The following UBR4 variants were observed in gnomAD, a reference collection of about 807,000 sequenced individuals.
The protein encoded by UBR4 is ubiquitin protein ligase E3 component n-recognin 4.
In UBR4, 124 loss-of-function variants were observed where a neutral mutation model predicts 575.6. That is an observed-to-expected ratio of 0.22 (90% confidence interval 0.19 to 0.25). UBR4 has a LOEUF of 0.25. Among genes scored for constraint, UBR4 ranks in the 10% least tolerant of loss-of-function variants. The pLI, the probability that UBR4 is intolerant of heterozygous loss-of-function variation, is 1.00. For missense variants in UBR4, 4,818 were observed against 6,478.8 expected (o/e 0.74, Z 8.80); for synonymous variants, 2,455 against 2,473.7 (o/e 0.99, Z 0.22).
chr1:19,077,238 A>G (rs1025660464), intron 104 of UBR4, among the ~76,000 whole-genome samples: 14 of 152,200 alleles, frequency 9.2e-5, no homozygotes, highest in African/African-American at 3.4e-4. Flanking sequence ...CCGATGATGA[A>G]AGGAACCAAC....
chr1:19,101,793 A>T, intron 87 of UBR4, 152 bp from the exon 88 acceptor site: 1 of 1,269,120 alleles, frequency 7.9e-7, no homozygotes, highest in Non-Finnish European at 1.1e-6. Context: ...TCAAATTGGA[A>T]ATTTGATGCT....
At chr1:19,145,480 A>T (rs1184716290) in intron 53 of UBR4, among the ~76,000 whole-genome samples, 2 of 148,128 alleles carry the variant, frequency 1.4e-5, no homozygotes, top group Non-Finnish European at 3.0e-5. Context: ...GTTGTCAAAG[A>T]TTTTTAAAAA....
chr1:19,108,035 G>A (rs1296534827), intron 81 of UBR4, among the ~76,000 whole-genome samples: 2 of 152,126 alleles, frequency 1.3e-5, no homozygotes, highest in Non-Finnish European at 2.9e-5. Flanking sequence ...TGAAGTATAT[G>A]AAAAACATTT....
chr1:19,198,105 G>T, intron 5 of UBR4, 56 bp from the exon 6 acceptor site: 1 of 1,545,522 alleles, frequency 6.5e-7, no homozygotes, highest in African/African-American at 1.4e-5. Flanking sequence ...CAAACCAACT[G>T]TCAAAAGTGA....
intron 34 of UBR4, 30 bp downstream of exon 34, chr1:19,163,734 C>A (rs758609496): frequency 2.4e-5 from 39 of 1,609,280 alleles, no homozygotes; most frequent in Admixed American, 3.3e-5. Flanking sequence ...TTTCCCTTCA[C>A]CCCCCATTGT....
At chr1:19,194,421 G>C (rs1159366187) in intron 8 of UBR4, among the ~76,000 whole-genome samples, 1 of 152,150 alleles carries the variant, frequency 6.6e-6, no homozygotes, top group Non-Finnish European at 1.5e-5. Context: ...CCAGGGGTTT[G>C]AGGCTACAGT....
At chr1:19,172,439 C>T (rs1438768534) in intron 25 of UBR4, among the ~76,000 whole-genome samples, 1 of 152,168 alleles carries the variant, frequency 6.6e-6, no homozygotes, top group Non-Finnish European at 1.5e-5. Flanking sequence ...ATCACTTGAA[C>T]CCAGGGGGTG....
chr1:19,096,020 C>T (rs2078002983), intron 92 of UBR4: 1 of 237,276 alleles, frequency 4.2e-6, no homozygotes, highest in South Asian at 6.5e-5. Context: ...GAGCTCAGAA[C>T]CACATAGGTC....
intron 102 of UBR4, among the ~76,000 whole-genome samples, chr1:19,082,825 T>C (rs551991377): frequency 1.3e-4 from 20 of 152,330 alleles, no homozygotes; most frequent in African/African-American, 4.6e-4. Flanking sequence ...CTGCAGGATC[T>C]GCTCAGGCTC....
intron 97 of UBR4, among the ~76,000 whole-genome samples, chr1:19,091,392 C>T (rs2077498783): frequency 6.6e-6 from 1 of 152,004 alleles, no homozygotes; most frequent in Non-Finnish European, 1.5e-5. Context: ...AATGAGTTAC[C>T]GAAACAGATT....
intron 60 of UBR4, among the ~76,000 whole-genome samples, chr1:19,137,788 T>C (rs2083363467): frequency 6.6e-6 from 1 of 152,188 alleles, no homozygotes; most frequent in Non-Finnish European, 1.5e-5. Flanking sequence ...TTAAGAGAAA[T>C]ACCACTTTCT....
At chr1:19,101,216 A>G (rs995887182) in intron 88 of UBR4, among the ~76,000 whole-genome samples, 2 of 152,242 alleles carry the variant, frequency 1.3e-5, no homozygotes, top group African/African-American at 4.8e-5. Flanking sequence ...CTTCTTCCAC[A>G]GTATGTTGGA....
At position 19,084,444 on chromosome 1, in the gene UBR4, C is replaced by T. The variant is rs1484877123; in HGVS notation, c.15008+60G>A. On this transcript the variant is annotated intron_variant, in intron 102 of 105. Transcript: ENST00000375254. Reference sequence around the variant, plus strand: ...GGCTATGAAAAAGCTGAGGGGATCTCGGGCAGAGGGATGCAGGGTGGGTCT... The same window carrying T: ...GGCTATGAAAAAGCTGAGGGGATCTTGGGCAGAGGGATGCAGGGTGGGTCT... 16 of 1,514,896 alleles carry T rather than the reference C, an allele frequency of 1.1e-5. No homozygotes were observed. In the Admixed American group the frequency reaches 1.8e-4, roughly 17 times the overall value. The allele number at this position is 1,514,896 out of a possible 1,614,324, so 93.8% of individuals were successfully genotyped here.
chr1:19,195,594 G>A (rs1014502688), intron 8 of UBR4, among the ~76,000 whole-genome samples: 5 of 152,026 alleles, frequency 3.3e-5, no homozygotes, highest in Admixed American at 6.6e-5. Flanking sequence ...CAAAATCAAC[G>A]GTAGAGCATG....
In UBR4 at chr1:19,168,170, G is replaced by C. The variant is rs368763274; in HGVS notation, c.3756C>G (p.Ala1252=). 1.3e-6 allele frequency: 2 copies of C among 1,587,930 alleles called. No homozygotes were observed. The highest frequency in any genetic ancestry group is 2.7e-5 in the African/African-American group (2 of 74,380). The stretch of plus-strand genomic sequence containing the variant: ...AACTCTCTGAAGGGATGGTGTCATT[G>C]GCAAAGGCATTGCGCTGAAAGGAAG... ...PNIGSWRNAF[A]NDTIPSESYI... is the part of the protein sequence containing the mutation. Residue 1252 remains alanine, a synonymous_variant, in exon 28 of 106, where the codon GCC becomes GCG. Coordinates refer to ENST00000375254, the MANE Select transcript of UBR4 (RefSeq NM_020765.3).
chr1:19,144,668 C>G, intron 54 of UBR4, 118 bp downstream of exon 54: 2 of 1,398,130 alleles, frequency 1.4e-6, no homozygotes, highest in South Asian at 1.5e-5. Context: ...ATATTTGAAA[C>G]TTCATTCCCT....
intron 1 of UBR4, among the ~76,000 whole-genome samples, chr1:19,205,125 G>A (rs1446943582): frequency 6.6e-6 from 1 of 152,204 alleles, no homozygotes; most frequent in African/African-American, 2.4e-5. Context: ...GCACCGCTGA[G>A]CGTGAAACAC....
At chr1:19,076,313 G>A (rs1005370706) in intron 105 of UBR4, among the ~76,000 whole-genome samples, 3 of 152,198 alleles carry the variant, frequency 2.0e-5, no homozygotes, top group African/African-American at 7.2e-5. Flanking sequence ...GAAGACAGGG[G>A]CATTCCAATT....
intron 87 of UBR4, among the ~76,000 whole-genome samples, chr1:19,102,668 G>A (rs1408524033): frequency 6.6e-6 from 1 of 152,182 alleles, no homozygotes; most frequent in Non-Finnish European, 1.5e-5. Flanking sequence ...CAAAACACGA[G>A]TCAGTTTTTG....
Sources: allele counts gnomAD v4.1 joint callset (sites outside exome capture counted in the v4.1 genomes callset), GRCh38; gene constraint gnomAD v4.1.1; transcripts MANE v1.5; gene names NCBI Gene and HGNC (gene_info 2026-07-23, HGNC 2026-07-21).